The following MORC1 variants were observed in gnomAD, a reference collection of about 807,000 sequenced individuals.
MORC1 encodes MORC family CW-type zinc finger protein 1.
In MORC1, 59 loss-of-function variants were observed where a neutral mutation model predicts 134.9. That is an observed-to-expected ratio of 0.44 (90% confidence interval 0.35 to 0.54). The LOEUF (loss-of-function observed/expected upper bound fraction) is 0.54, where lower values mean the gene tolerates loss of function less well. Ranked by LOEUF, MORC1 falls within the 20% of genes least tolerant of loss-of-function variation. The pLI is 0.00. For synonymous variants in MORC1, 395 were observed against 391.7 expected (o/e 1.01, Z -0.10); for missense variants, 947 against 1,134.5 (o/e 0.83, Z 2.37).
intron 21 of MORC1, among the ~76,000 whole-genome samples, chr3:108,999,273 C>T (rs1312603146): frequency 6.6e-6 from 1 of 152,076 alleles, no homozygotes; most frequent in Admixed American, 6.6e-5. Flanking sequence ...TTTTTAACAT[C>T]CCTTCAAAGG....
chr3:109,004,024 C>T lies in MORC1; in HGVS notation c.2085+793G>A, dbSNP rs185819472. Among the ~76,000 whole-genome samples the T allele has an allele frequency of 4.2e-3, 642 of 152,182 alleles. 2 individuals are homozygous for T. The highest frequency in any genetic ancestry group is 6.8e-3 in the Non-Finnish European group (463 of 68,012). On this transcript the variant is annotated intron_variant, in intron 20 of 27. Transcript: ENST00000232603. ...TGAAGCTTGCAGTGAGCTGAGATCACGCCACTGCACTCCAGCCTGGGCGAC... is the reference window on the plus strand; with the variant it reads ...TGAAGCTTGCAGTGAGCTGAGATCATGCCACTGCACTCCAGCCTGGGCGAC...
intron 8 of MORC1, among the ~76,000 whole-genome samples, chr3:109,083,271 A>G (rs1490270908): frequency 6.6e-6 from 1 of 151,472 alleles, no homozygotes; most frequent in Non-Finnish European, 1.5e-5. Context: ...AAATGCTAAA[A>G]GTATTTTTTC....
chr3:109,083,926 T>C (rs961403442), intron 8 of MORC1, among the ~76,000 whole-genome samples: 2 of 152,166 alleles, frequency 1.3e-5, no homozygotes, highest in Non-Finnish European at 2.9e-5. Flanking sequence ...TCATTTCAAT[T>C]GATGATGAAA....
chr3:109,098,858 T>C (rs1950875039), intron 6 of MORC1, among the ~76,000 whole-genome samples: 1 of 152,208 alleles, frequency 6.6e-6, no homozygotes. Flanking sequence ...ATTTGTTATA[T>C]TGAATTATAA....
intron 8 of MORC1, among the ~76,000 whole-genome samples, chr3:109,073,885 T>A (rs1166678462): frequency 6.6e-6 from 1 of 152,168 alleles, no homozygotes; most frequent in East Asian, 1.9e-4. Context: ...ATTAAACCTA[T>A]GAGAAATGTC....
intron 17 of MORC1, among the ~76,000 whole-genome samples, chr3:109,023,662 A>T (rs1020966356): frequency 2.6e-5 from 4 of 152,196 alleles, no homozygotes; most frequent in African/African-American, 9.6e-5. Context: ...GGTAGAAGAG[A>T]AATTTTAAGT....
At chr3:109,103,246 C>T (rs34145135) in intron 4 of MORC1, among the ~76,000 whole-genome samples, 6,131 of 152,272 alleles carry the variant, frequency 0.04, 272 homozygotes, top group Middle Eastern at 0.11. Flanking sequence ...GATGGAATCA[C>T]ATTTCAATTT....
At chr3:108,993,997 G>A (rs1948132985) in intron 21 of MORC1, among the ~76,000 whole-genome samples, 1 of 152,112 alleles carries the variant, frequency 6.6e-6, no homozygotes, top group East Asian at 1.9e-4. Flanking sequence ...GAAGGCCCTG[G>A]TAATGATCTT....
intron 10 of MORC1, among the ~76,000 whole-genome samples, 197 bp downstream of exon 10, chr3:109,062,949 TATAATA>T (rs941457309): frequency 6.6e-6 from 1 of 152,128 alleles, no homozygotes; most frequent in African/African-American, 2.4e-5. Flanking sequence ...GGATCATACT[TATAATA>T]ATAATTAATA....
In MORC1 at chr3:108,968,716, C is replaced by T. The variant is rs763227291; in HGVS notation, c.2604+953G>A. Among the ~76,000 whole-genome samples the T allele has an allele frequency of 2.6e-5, 4 of 152,188 alleles. No homozygotes were observed. The South Asian group carries it at 8.3e-4, about 32-fold the overall frequency. ...TTATATGAGAGCTTTCTAAAGATGGCTGTAAACATAAGCATACAGAAGAAG... is the reference window on the plus strand; with the variant it reads ...TTATATGAGAGCTTTCTAAAGATGGTTGTAAACATAAGCATACAGAAGAAG... On this transcript the variant is annotated intron_variant, in intron 26 of 27. Transcript: ENST00000232603.
intron 14 of MORC1, among the ~76,000 whole-genome samples, chr3:109,040,476 GAAAGA>G (rs1949506733): frequency 6.9e-6 from 1 of 145,814 alleles, no homozygotes; most frequent in African/African-American, 2.6e-5. Flanking sequence ...AAGAAAGAAA[GAAAGA>G]AAGAAAGGAA....
intron 21 of MORC1, among the ~76,000 whole-genome samples, chr3:108,990,898 T>TCTCTCTCTCTC (rs1559876202): frequency 5.5e-5 from 8 of 145,660 alleles, no homozygotes; most frequent in African/African-American, 2.0e-4. Flanking sequence ...GTTTCTCTCT[T>TCTCTCTCTCTC]TCTCTCTCTC....
chr3:109,109,165 C>T (rs1322174251), intron 3 of MORC1, among the ~76,000 whole-genome samples: 2 of 152,082 alleles, frequency 1.3e-5, no homozygotes, highest in Non-Finnish European at 2.9e-5. Flanking sequence ...TTAGACCACC[C>T]ATGAAAAGCT....
At chr3:109,024,220 G>A (rs929577224) in intron 17 of MORC1, among the ~76,000 whole-genome samples, 3 of 152,148 alleles carry the variant, frequency 2.0e-5, no homozygotes, top group African/African-American at 7.2e-5. Flanking sequence ...CTATAAGACT[G>A]CGAGAAATAT....
chr3:109,064,823 T>C (rs1950160637), intron 9 of MORC1, among the ~76,000 whole-genome samples: 1 of 152,192 alleles, frequency 6.6e-6, no homozygotes, highest in Admixed American at 6.5e-5. Context: ...TAGGTAGAGA[T>C]GTGGACGTTG....
intron 20 of MORC1, among the ~76,000 whole-genome samples, chr3:109,003,924 C>T (rs776171979): frequency 3.9e-5 from 6 of 152,096 alleles, no homozygotes; most frequent in Non-Finnish European, 7.4e-5. Context: ...AGTCTGTATA[C>T]CATTTGCCGA....
intron 17 of MORC1, among the ~76,000 whole-genome samples, chr3:109,022,609 C>T (rs1948985344): frequency 6.6e-6 from 1 of 152,196 alleles, no homozygotes; most frequent in South Asian, 2.1e-4. Context: ...AGTCTCTGTA[C>T]TCCAATCCAA....
chr3:109,040,123 G>GT (rs1256029733), intron 14 of MORC1, among the ~76,000 whole-genome samples: 1 of 151,648 alleles, frequency 6.6e-6, no homozygotes, highest in Admixed American at 6.6e-5. Context: ...ACAAAAAACA[G>GT]TAAGTCTTAG....
In MORC1 at chr3:109,059,869, T is replaced by C. The variant is rs1300682896; in HGVS notation, c.968A>G (p.Asp323Gly). Residue 323 changes from aspartate to glycine, a missense_variant and splice_region_variant, in exon 12 of 28, where the codon GAT becomes GGT. Physicochemically the swap from Asp to Gly is moderately conservative, Grantham distance 94. Transcript: ENST00000232603. Reference sequence around the variant, plus strand: ...ATCTTCCAAAGCTCTCTGTAATACATCCTGGAGAAATGCATTGGTTGGGAG... The same window carrying C: ...ATCTTCCAAAGCTCTCTGTAATACACCCTGGAGAAATGCATTGGTTGGGAG... ...CDRTSLSSAK[D>G]VLQRALEDVE... is the part of the protein sequence containing the mutation. The C allele has an allele frequency of 1.2e-6, 2 of 1,611,264 alleles. No individual in the cohort carries two copies. Among genetic ancestry groups the C allele is most frequent in the Admixed American group, 1.7e-5 (1 of 59,608 alleles).
Sources: allele counts gnomAD v4.1 joint callset (sites outside exome capture counted in the v4.1 genomes callset), GRCh38; gene constraint gnomAD v4.1.1; transcripts MANE v1.5; gene names NCBI Gene and HGNC (gene_info 2026-07-23, HGNC 2026-07-21).